The following COL25A1 variants were observed in gnomAD, a reference collection of about 807,000 sequenced individuals.
COL25A1 encodes the protein collagen alpha-1(XXV) chain.
Under a neutral mutation model 128.4 loss-of-function variants are expected in COL25A1, and 103 were observed. The ratio of observed to expected loss-of-function variants is 0.80; its 90% CI spans 0.68 to 0.94. The LOEUF is 0.94. COL25A1 is among the 40% of genes least tolerant of loss of function. The pLI is 0.00. For missense variants in COL25A1, 745 were observed against 840.0 expected, an observed-to-expected ratio of 0.89 and a Z score of 1.40; for synonymous variants, 279 against 277.2, an observed-to-expected ratio of 1.01 and a Z score of -0.06.
At chr4:109,156,197 T>C (rs1772014463) in intron 3 of COL25A1, among the ~76,000 whole-genome samples, 1 of 152,188 alleles carries the variant, frequency 6.6e-6, no homozygotes, top group Non-Finnish European at 1.5e-5. Flanking sequence ...ACCCAGTGTG[T>C]CAATGTCAAC....
intron 18 of COL25A1, among the ~76,000 whole-genome samples, chr4:108,887,653 A>G (rs769358021): frequency 1.1e-4 from 16 of 152,226 alleles, no homozygotes; most frequent in Non-Finnish European, 1.9e-4. Flanking sequence ...AAGGAAATCC[A>G]GTGTTCCCAT....
In COL25A1 at chr4:108,851,080, A is replaced by T. The variant is rs1735718852; in HGVS notation, c.1389+1156T>A. Among the ~76,000 whole-genome samples the T allele has an allele frequency of 4.6e-5, 7 of 152,280 alleles. No individual in the cohort carries two copies. In the South Asian group the frequency reaches 1.5e-3, roughly 32 times the overall value. The stretch of plus-strand genomic sequence containing the variant: ...TAGACACTTGGTTGGTTCTACACAA[A>T]GGAAAAAAAGAAATTGCAGATTTCC... On this transcript the variant is annotated intron_variant, in intron 26 of 37. Transcript: ENST00000399132.
At chr4:109,204,732 T>A (rs1482050111) in intron 3 of COL25A1, among the ~76,000 whole-genome samples, 1 of 152,146 alleles carries the variant, frequency 6.6e-6, no homozygotes, top group Non-Finnish European at 1.5e-5. Context: ...AAACATTTTT[T>A]AAGGTATTTG....
intron 8 of COL25A1, among the ~76,000 whole-genome samples, chr4:108,946,675 T>A (rs11735903): frequency 6.6e-6 from 1 of 151,686 alleles, no homozygotes; most frequent in Non-Finnish European, 1.5e-5. Flanking sequence ...TCATACAGAG[T>A]GATAAGTATT....
chr4:109,009,305 C>T (rs914289376), intron 6 of COL25A1, among the ~76,000 whole-genome samples: 1 of 151,976 alleles, frequency 6.6e-6, no homozygotes, highest in East Asian at 1.9e-4. Context: ...GTGAAAATCA[C>T]AAATAATGAG....
chr4:109,080,564 T>C (rs1763752101), intron 3 of COL25A1, among the ~76,000 whole-genome samples: 2 of 152,188 alleles, frequency 1.3e-5, no homozygotes, highest in African/African-American at 2.4e-5. Context: ...ATAGGATTAA[T>C]TTTAAAATAC....
intron 34 of COL25A1, among the ~76,000 whole-genome samples, chr4:108,824,929 A>G (rs1732188713): frequency 1.3e-5 from 2 of 152,174 alleles, no homozygotes; most frequent in Admixed American, 6.5e-5. Context: ...TGATGTTAAG[A>G]GTACCCTCAA....
chr4:109,161,407 C>T (rs999884636), intron 3 of COL25A1, among the ~76,000 whole-genome samples: 2 of 152,118 alleles, frequency 1.3e-5, no homozygotes, highest in Non-Finnish European at 2.9e-5. Context: ...TACTGATTTG[C>T]CTTATAATCT....
At chr4:109,234,549 C>T (rs553587313) in intron 3 of COL25A1, among the ~76,000 whole-genome samples, 20 of 152,160 alleles carry the variant, frequency 1.3e-4, no homozygotes, top group South Asian at 1.0e-3. Context: ...AATCAGGAAA[C>T]ATGTCAAAGT....
Position 109,302,160 on chromosome 4 carries a change from G to A in COL25A1, c.-57+9C>T, listed in dbSNP as rs968877431. ...GTTGGTGGAGTCAAGCCCACGAGCG[G>A]ATACGGACCCCTGCCTTGCTCAGCG... On this transcript the variant is annotated intron_variant, in intron 1 of 37. Transcript: ENST00000399132. 9.8e-6 allele frequency: 11 copies of A among 1,124,306 alleles called. No homozygotes were observed. Among genetic ancestry groups the A allele is most frequent in the Non-Finnish European group, 1.3e-5 (11 of 817,286 alleles). The allele number at this position is 1,124,306 out of a possible 1,614,324, so 69.6% of individuals were successfully genotyped here.
chr4:109,218,357 G>GTTTTTTTTTTT lies in COL25A1; in HGVS notation c.367+82215_367+82225dup, dbSNP rs34056401. Among the ~76,000 whole-genome samples, 94 of 73,564 alleles carry GTTTTTTTTTTT rather than the reference G, an allele frequency of 1.3e-3. 1 individual carries two copies. The highest frequency in any genetic ancestry group is 3.0e-3 in the African/African-American group (54 of 17,850). 48.3% of individuals were successfully genotyped at this position (73,564 alleles called of 152,430 possible). On this transcript the variant is annotated intron_variant, in intron 3 of 37. Coordinates refer to ENST00000399132, the MANE Select transcript of COL25A1 (RefSeq NM_198721.4). Reference sequence around the variant, plus strand: ...CAGAATCAATTGCTGGTTTTTTGGGGTTTTTTTTTTTTTTTTTTTTTTTTT... The same window carrying GTTTTTTTTTTT: ...CAGAATCAATTGCTGGTTTTTTGGGGTTTTTTTTTTTTTTTTTTTTTTTTTTTTTTTTTTTT...
At chr4:109,225,610 C>T (rs1202559051) in intron 3 of COL25A1, among the ~76,000 whole-genome samples, 1 of 151,824 alleles carries the variant, frequency 6.6e-6, no homozygotes, top group Non-Finnish European at 1.5e-5. Flanking sequence ...GTATATACCC[C>T]AAAGAAAAGA....
chr4:109,211,861 G>A (rs1363784528), intron 3 of COL25A1, among the ~76,000 whole-genome samples: 2 of 152,026 alleles, frequency 1.3e-5, no homozygotes, highest in East Asian at 3.9e-4. Flanking sequence ...TGACCAATGT[G>A]TAATATTATT....
At chr4:109,269,070 T>C (rs1170374473) in intron 3 of COL25A1, among the ~76,000 whole-genome samples, 3 of 141,508 alleles carry the variant, frequency 2.1e-5, no homozygotes, top group African/African-American at 7.9e-5. Context: ...CTCCCAATGC[T>C]ATCCCTCCCC....
intron 3 of COL25A1, among the ~76,000 whole-genome samples, chr4:109,202,704 A>G (rs984229100): frequency 3.3e-5 from 5 of 152,208 alleles, no homozygotes; most frequent in Non-Finnish European, 7.3e-5. Flanking sequence ...ATACTGGGAA[A>G]AATATTTACA....
intron 13 of COL25A1, among the ~76,000 whole-genome samples, chr4:108,908,368 CCT>C (rs1743782322): frequency 6.6e-6 from 1 of 152,156 alleles, no homozygotes; most frequent in African/African-American, 2.4e-5. Context: ...TTCCCTCCCT[CCT>C]AGAACATCCT....
chr4:109,195,207 A>T (rs1775929557), intron 3 of COL25A1, among the ~76,000 whole-genome samples: 1 of 152,174 alleles, frequency 6.6e-6, no homozygotes, highest in Non-Finnish European at 1.5e-5. Context: ...GGCCTAGCCC[A>T]CTGGTCCCAG....
chr4:109,014,135 C>T (rs555235073), intron 5 of COL25A1, among the ~76,000 whole-genome samples: 63 of 152,084 alleles, frequency 4.1e-4, no homozygotes, highest in Middle Eastern at 6.9e-3. Flanking sequence ...GGTGAAACCC[C>T]GTCTCTACTA....
At chr4:108,964,955 A>G (rs1751127470) in intron 8 of COL25A1, among the ~76,000 whole-genome samples, 1 of 152,198 alleles carries the variant, frequency 6.6e-6, no homozygotes, top group Non-Finnish European at 1.5e-5. Context: ...CAATACATTC[A>G]GTACCCAATG....
Sources: gnomAD v4.1 joint callset for allele counts (sites outside exome capture counted in the v4.1 genomes callset) on GRCh38, gnomAD v4.1.1 for gene constraint, MANE v1.5 for transcripts, NCBI Gene and HGNC (gene_info 2026-07-23, HGNC 2026-07-21) for gene names.